The following MECOM variants were observed in gnomAD, a reference collection of about 807,000 sequenced individuals.
The protein encoded by MECOM is histone-lysine N-methyltransferase MECOM.
Under a neutral mutation model 116.3 loss-of-function variants are expected in MECOM, and 13 were observed. The ratio of observed to expected loss-of-function variants is 0.11; its 90% CI spans 0.07 to 0.18. The LOEUF (loss-of-function observed/expected upper bound fraction) is 0.18, where lower values mean the gene tolerates loss of function less well. Ranked by LOEUF, MECOM falls within the 10% of genes least tolerant of loss-of-function variation. The probability of loss-of-function intolerance (pLI) is 1.00; values close to 1 mark genes in which losing one functional copy is unlikely to be tolerated. For missense variants in MECOM, 1,299 were observed against 1,509.0 expected, an observed-to-expected ratio of 0.86 and a Z score of 2.31; for synonymous variants, 528 against 535.2, an observed-to-expected ratio of 0.99 and a Z score of 0.19.
chr3:169,557,325 G>GA (rs1217006348), intron 1 of MECOM, among the ~76,000 whole-genome samples: 1 of 151,380 alleles, frequency 6.6e-6, no homozygotes, highest in Non-Finnish European at 1.5e-5. Flanking sequence ...CTATTAAAAG[G>GA]AAAAAAAAGG....
intron 4 of MECOM, among the ~76,000 whole-genome samples, chr3:169,128,420 TA>T (rs756026085): frequency 2.2e-4 from 34 of 152,224 alleles, no homozygotes; most frequent in Non-Finnish European, 4.1e-4. Flanking sequence ...TGAGGAATTG[TA>T]AGTCAGATTT....
At chr3:169,628,542 A>C (rs1303834133) in intron 1 of MECOM, among the ~76,000 whole-genome samples, 1 of 152,170 alleles carries the variant, frequency 6.6e-6, no homozygotes, top group Non-Finnish European at 1.5e-5. Context: ...ATTAGAAGTG[A>C]CCCTATATAG....
intron 2 of MECOM, among the ~76,000 whole-genome samples, chr3:169,218,945 C>T (rs1383210653): frequency 6.6e-6 from 1 of 152,046 alleles, no homozygotes; most frequent in Admixed American, 6.6e-5. Context: ...CCTACCCCTA[C>T]GTATATAGCT....
At chr3:169,155,275 G>A (rs985730167) in intron 2 of MECOM, among the ~76,000 whole-genome samples, 1 of 152,114 alleles carries the variant, frequency 6.6e-6, no homozygotes, top group Non-Finnish European at 1.5e-5. Context: ...TGCCTCTCCA[G>A]ATAGCACAAT....
rs980001076 is a variant in MECOM, at chr3:169,389,125, C to T, written c.38-7601G>A. On this transcript the variant is annotated intron_variant, in intron 1 of 16. Coordinates refer to ENST00000651503, the MANE Select transcript of MECOM (RefSeq NM_004991.4). ...TCCACTCCTCTAGGAATTTCACAGA[C>T]ATTTCACTAAATAAATATGATTTGG... Among the ~76,000 whole-genome samples the T allele has an allele frequency of 5.9e-5, 9 of 152,184 alleles. 1 individual carries two copies. Among genetic ancestry groups the T allele is most frequent in the African/African-American group, 1.9e-4 (8 of 41,444 alleles).
chr3:169,160,575 T>C (rs1036756070), intron 2 of MECOM, among the ~76,000 whole-genome samples: 1 of 148,332 alleles, frequency 6.7e-6, no homozygotes, highest in African/African-American at 2.4e-5. Flanking sequence ...AATATATTAG[T>C]TATTTTAAAA....
chr3:169,161,543 T>C (rs1277185962), intron 2 of MECOM, among the ~76,000 whole-genome samples: 1 of 152,136 alleles, frequency 6.6e-6, no homozygotes, highest in Non-Finnish European at 1.5e-5. Flanking sequence ...TCATTTATCC[T>C]CTCCATGTTC....
intron 2 of MECOM, among the ~76,000 whole-genome samples, chr3:169,256,365 C>T (rs1443867821): frequency 1.3e-5 from 2 of 151,754 alleles, no homozygotes; most frequent in African/African-American, 4.8e-5. Context: ...AACAGTCTGC[C>T]TTAATGGCCC....
At chr3:169,259,413 C>T (rs1419791686) in intron 2 of MECOM, among the ~76,000 whole-genome samples, 1 of 152,166 alleles carries the variant, frequency 6.6e-6, no homozygotes, top group Non-Finnish European at 1.5e-5. Context: ...CTATTAGGAT[C>T]ATACTTTATT....
intron 2 of MECOM, among the ~76,000 whole-genome samples, chr3:169,327,638 T>TAA (rs1722067791): frequency 1.3e-5 from 1 of 78,750 alleles, no homozygotes; most frequent in Non-Finnish European, 2.6e-5. Context: ...AGACTGTGTC[T>TAA]CAAAAAAAAA....
At chr3:169,573,208 T>C (rs1764124807) in intron 1 of MECOM, among the ~76,000 whole-genome samples, 1 of 152,226 alleles carries the variant, frequency 6.6e-6, no homozygotes, top group Non-Finnish European at 1.5e-5. Flanking sequence ...CCGGTTTTGT[T>C]TTCTGCATAA....
rs1560341400 is a variant in MECOM at position 169,486,006 on chromosome 3, CTATATATATATGTATATATAGT to C, written c.38-104504_38-104483del. Among the ~76,000 whole-genome samples, 31 of 108,546 alleles carry C rather than the reference CTATATATATATGTATATATAGT, an allele frequency of 2.9e-4. 1 individual carries two copies. The highest frequency in any genetic ancestry group is 9.2e-4 in the African/African-American group (23 of 24,960). The allele number at this position is 108,546 out of a possible 152,430, so 71.2% of individuals were successfully genotyped here. A position where few individuals can be genotyped will look rare whatever the true frequency, so the allele number is the denominator to read the frequency against. ...TATAGTATATATATGTATATATATACTATATATATATGTATATATAGTATATATATATATGTATATATATATA... is the reference window on the plus strand; with the variant it reads ...TATAGTATATATATGTATATATATACATATATATATATGTATATATATATA... On this transcript the variant is annotated intron_variant, in intron 1 of 16. Transcript: ENST00000651503.
intron 1 of MECOM, among the ~76,000 whole-genome samples, chr3:169,590,257 G>A (rs1766253073): frequency 6.6e-6 from 1 of 152,220 alleles, no homozygotes; most frequent in Non-Finnish European, 1.5e-5. Context: ...AAGTTGGGAA[G>A]CCTGCTCTTA....
chr3:169,659,284 C>G (rs145753907), intron 1 of MECOM, among the ~76,000 whole-genome samples: 5 of 152,040 alleles, frequency 3.3e-5, no homozygotes, highest in Non-Finnish European at 7.4e-5. Flanking sequence ...CACATGCACT[C>G]TATAGCCAAG....
chr3:169,459,526 A>G (rs1413945844), intron 1 of MECOM, among the ~76,000 whole-genome samples: 1 of 152,232 alleles, frequency 6.6e-6, no homozygotes, highest in Non-Finnish European at 1.5e-5. Context: ...GTTTGCTTTT[A>G]GTTTTCAATT....
At chr3:169,147,026 G>A (rs1455579572) in intron 2 of MECOM, 4 of 991,586 alleles carry the variant, frequency 4.0e-6, no homozygotes, top group African/African-American at 3.5e-5. Flanking sequence ...GTCTTCTTTC[G>A]TCTGGGTGAC....
intron 1 of MECOM, among the ~76,000 whole-genome samples, chr3:169,433,840 C>T (rs1742180885): frequency 6.6e-6 from 1 of 152,138 alleles, no homozygotes; most frequent in East Asian, 1.9e-4. Flanking sequence ...TAGGGTGAGA[C>T]CTTTCAAATG....
At chr3:169,615,329 C>T (rs1157021284) in intron 1 of MECOM, among the ~76,000 whole-genome samples, 1 of 152,156 alleles carries the variant, frequency 6.6e-6, no homozygotes, top group African/African-American at 2.4e-5. Flanking sequence ...ACAGAAATGG[C>T]CCTTGATAAA....
At chr3:169,643,889 T>C (rs1440373726) in intron 1 of MECOM, among the ~76,000 whole-genome samples, 1 of 152,150 alleles carries the variant, frequency 6.6e-6, no homozygotes, top group Non-Finnish European at 1.5e-5. Flanking sequence ...GATACTCAAC[T>C]CTCATAAAAC....
Sources: allele counts gnomAD v4.1 joint callset (sites outside exome capture counted in the v4.1 genomes callset), GRCh38; gene constraint gnomAD v4.1.1; transcripts MANE v1.5; gene names NCBI Gene and HGNC (gene_info 2026-07-23, HGNC 2026-07-21).